Variants in TCF4 observed in about 807,000 individuals in gnomAD.
The protein encoded by TCF4 is transcription factor 4, also known as SL3-3 enhancer factor 2.
A neutral mutation model predicts 82.1 loss-of-function variants in TCF4; 3 were observed. The observed-to-expected ratio is 0.04, with a 90% CI of 0.02 to 0.09. TCF4 has a LOEUF of 0.09. TCF4 is among the 10% of genes least tolerant of loss of function. TCF4 has a pLI of 1.00. For synonymous variants in TCF4, 276 were observed against 309.6 expected, an observed-to-expected ratio of 0.89 and a Z score of 1.14; for missense variants, 518 against 852.7, an observed-to-expected ratio of 0.61 and a Z score of 4.89.
chr18:55,595,209 T>C (rs1341108151), intron 2 of TCF4, among the ~76,000 whole-genome samples: 2 of 152,228 alleles, frequency 1.3e-5, no homozygotes, highest in Non-Finnish European at 2.9e-5. Context: ...AATGAAAGAT[T>C]GTCAAAGATG....
At chr18:55,369,415 C>A (rs2088254120) in intron 6 of TCF4, among the ~76,000 whole-genome samples, 1 of 152,156 alleles carries the variant, frequency 6.6e-6, no homozygotes, top group African/African-American at 2.4e-5. Flanking sequence ...GAGAAAGAAC[C>A]AGAAGTCCCA....
intron 5 of TCF4, among the ~76,000 whole-genome samples, chr18:55,435,557 A>T (rs1745824287): frequency 6.6e-6 from 1 of 152,250 alleles, no homozygotes; most frequent in Non-Finnish European, 1.5e-5. Context: ...AATGAATGAT[A>T]AACACTGAAA....
chr18:55,623,601 G>A (rs1183667315), intron 2 of TCF4, among the ~76,000 whole-genome samples: 1 of 152,160 alleles, frequency 6.6e-6, no homozygotes, highest in Non-Finnish European at 1.5e-5. Context: ...ATAATTATGT[G>A]ACTGAAATTG....
upstream of TCF4, chr18:55,589,398 C>G: frequency 6.6e-6 from 7 of 1,054,996 alleles, no homozygotes; most frequent in African/African-American, 1.7e-5. Flanking sequence ...ATGTGTATCC[C>G]CAAAAAGTAT....
chr18:55,630,819 T>G (rs1295273130), intron 2 of TCF4, among the ~76,000 whole-genome samples: 1 of 152,184 alleles, frequency 6.6e-6, no homozygotes, highest in East Asian at 1.9e-4. Flanking sequence ...GAATTTGACT[T>G]GTTTTCTGTA....
At chr18:55,279,456 C>T in intron 9 of TCF4, 95 bp downstream of exon 9, 2 of 1,573,800 alleles carry the variant, frequency 1.3e-6, no homozygotes, top group Non-Finnish European at 8.7e-7. Flanking sequence ...TCTACACTTG[C>T]CTACTATTCC....
At chr18:55,334,222 A>G (rs908644238) in intron 8 of TCF4, among the ~76,000 whole-genome samples, 15 of 152,202 alleles carry the variant, frequency 9.9e-5, no homozygotes, top group African/African-American at 3.6e-4. Flanking sequence ...ACACAGTTTT[A>G]TTTAGTAAAA....
At chr18:55,438,911 C>T (rs891995354) in intron 5 of TCF4, among the ~76,000 whole-genome samples, 1 of 152,150 alleles carries the variant, frequency 6.6e-6, no homozygotes, top group Admixed American at 6.5e-5. Context: ...TAAGCAAAGA[C>T]AGATTAATGC....
intron 2 of TCF4, among the ~76,000 whole-genome samples, chr18:55,624,558 T>C (rs1266427042): frequency 1.3e-5 from 2 of 148,436 alleles, no homozygotes; most frequent in East Asian, 4.0e-4. Context: ...CAGGGAGAAG[T>C]TGTGGAAAGA....
At chr18:55,542,968 T>C (rs2097177252) in intron 3 of TCF4, among the ~76,000 whole-genome samples, 1 of 152,010 alleles carries the variant, frequency 6.6e-6, no homozygotes, top group Non-Finnish European at 1.5e-5. Flanking sequence ...CACTCCCCAT[T>C]TACTGTCAAG....
intron 15 of TCF4, among the ~76,000 whole-genome samples, chr18:55,237,397 T>G (rs2049802654): frequency 6.6e-6 from 1 of 152,090 alleles, no homozygotes; most frequent in South Asian, 2.1e-4. Flanking sequence ...ACTCCATCTA[T>G]TTTCTATAGA....
At chr18:55,251,127 A>C (rs1368219840) in intron 15 of TCF4, among the ~76,000 whole-genome samples, 1 of 152,152 alleles carries the variant, frequency 6.6e-6, no homozygotes, top group Non-Finnish European at 1.5e-5. Flanking sequence ...TGCAGATTGG[A>C]AGAGCTCAAC....
chr18:55,511,237 C>T (rs903701506), intron 3 of TCF4, among the ~76,000 whole-genome samples: 7 of 149,056 alleles, frequency 4.7e-5, no homozygotes, highest in African/African-American at 1.2e-4. Context: ...AAAGTATAAC[C>T]GGAAGCAATG....
Position 55,461,122 on chromosome 18 carries a change from A to G in TCF4, c.208-7T>C, listed in dbSNP as rs2095860847. On this transcript the variant is annotated splice_polypyrimidine_tract_variant and splice_region_variant and intron_variant, in intron 4 of 19. Coordinates refer to ENST00000354452, the MANE Select transcript of TCF4 (RefSeq NM_001083962.2). ...GAGTCCCATCTCCATAGTTCTGTAA[A>G]TAAAATGACAGTGTAAGTTATTATT... 6.2e-7 allele frequency: 1 copy of G among 1,605,200 alleles called. No individual in the cohort carries two copies. Among genetic ancestry groups the G allele is most frequent in the African/African-American group, 1.3e-5 (1 of 74,652 alleles).
intron 6 of TCF4, among the ~76,000 whole-genome samples, chr18:55,364,036 C>T (rs1414896969): frequency 1.3e-5 from 2 of 151,936 alleles, no homozygotes; most frequent in African/African-American, 2.4e-5. Flanking sequence ...AGCTATCTGG[C>T]AAATTAAAAT....
intron 3 of TCF4, among the ~76,000 whole-genome samples, chr18:55,584,687 T>C (rs1603624642): frequency 6.6e-6 from 1 of 151,700 alleles, no homozygotes; most frequent in African/African-American, 2.4e-5. Context: ...TTAAATACAG[T>C]AAAAATTCAT....
chr18:55,488,419 T>C (rs1055986774), intron 3 of TCF4, among the ~76,000 whole-genome samples: 1 of 152,066 alleles, frequency 6.6e-6, no homozygotes, highest in African/African-American at 2.4e-5. Flanking sequence ...CTCCAAGTTT[T>C]TGGCCCCAGA....
intron 8 of TCF4, among the ~76,000 whole-genome samples, chr18:55,311,843 G>T (rs1153638): frequency 1 from 151,840 of 152,342 alleles, 75,671 homozygotes; most frequent in Middle Eastern, 1. Flanking sequence ...AAATTTCTGA[G>T]GAATAAACAA....
chr18:55,289,608 A>C (rs941431935), intron 8 of TCF4, among the ~76,000 whole-genome samples: 2 of 152,156 alleles, frequency 1.3e-5, no homozygotes, highest in African/African-American at 4.8e-5. Context: ...GATGACGACT[A>C]CTGCTTCATT....
Sources: allele counts gnomAD v4.1 joint callset (sites outside exome capture counted in the v4.1 genomes callset), GRCh38; gene constraint gnomAD v4.1.1; transcripts MANE v1.5; gene names NCBI Gene and HGNC (gene_info 2026-07-23, HGNC 2026-07-21).